The following ASS1 variants were observed in gnomAD, a reference collection of about 807,000 sequenced individuals.
The protein encoded by ASS1 is argininosuccinate synthase.
Under a neutral mutation model 60.5 loss-of-function variants are expected in ASS1, and 58 were observed. The ratio of observed to expected loss-of-function variants is 0.96; its 90% CI spans 0.78 to 1.19. ASS1 has a LOEUF of 1.19. Ranked by LOEUF, ASS1 falls within the 50% of genes most tolerant of loss-of-function variation. The pLI is 0.00. For synonymous variants in ASS1, 200 were observed against 206.9 expected (o/e 0.97, Z 0.29); for missense variants, 454 against 547.3 (o/e 0.83, Z 1.70).
At chr9:130,484,931 G>A (rs886888849) in intron 11 of ASS1, among the ~76,000 whole-genome samples, 19 of 152,206 alleles carry the variant, frequency 1.2e-4, no homozygotes, top group Non-Finnish European at 2.4e-4. Context: ...TTGCACTGGT[G>A]TGTTTTGTGG....
intron 3 of ASS1, among the ~76,000 whole-genome samples, chr9:130,456,248 CT>C (rs1241364298): frequency 6.6e-6 from 1 of 152,032 alleles, no homozygotes; most frequent in Non-Finnish European, 1.5e-5. Context: ...GGCAGATCAC[CT>C]GAGGTCAGGA....
chr9:130,472,414 T>C (rs1193603505), intron 8 of ASS1, among the ~76,000 whole-genome samples: 1 of 152,124 alleles, frequency 6.6e-6, no homozygotes, highest in East Asian at 1.9e-4. Flanking sequence ...TAATATCACA[T>C]GGCAGCCACC....
intron 5 of ASS1, 25 bp downstream of exon 5, chr9:130,464,192 C>T (rs1845671544): frequency 6.2e-7 from 1 of 1,611,548 alleles, no homozygotes; most frequent in Admixed American, 1.7e-5. Context: ...CTCCCCTTAG[C>T]AGGGAGCACT....
chr9:130,465,063 T>C (rs28440121), intron 5 of ASS1, among the ~76,000 whole-genome samples: 1 of 147,060 alleles, frequency 6.8e-6, no homozygotes, highest in Non-Finnish European at 1.5e-5. Flanking sequence ...TATATTTTTT[T>C]TTTTTCTTTT....
chr9:130,468,733 T>C (rs978597572), intron 6 of ASS1, among the ~76,000 whole-genome samples: 3 of 152,184 alleles, frequency 2.0e-5, no homozygotes, highest in African/African-American at 7.2e-5. Flanking sequence ...ACACCCAGCT[T>C]TGGCTAATTT....
intron 12 of ASS1, among the ~76,000 whole-genome samples, chr9:130,493,410 G>A (rs1257441693): frequency 6.6e-6 from 1 of 152,248 alleles, no homozygotes; most frequent in Non-Finnish European, 1.5e-5. Flanking sequence ...GAGGCACAGG[G>A]AGGTTAATCA....
intron 11 of ASS1, among the ~76,000 whole-genome samples, chr9:130,481,062 G>C (rs922705921): frequency 6.6e-6 from 1 of 152,220 alleles, no homozygotes; most frequent in Non-Finnish European, 1.5e-5. Context: ...CCTCGTATCC[G>C]CCTGTGGCTG....
chr9:130,453,144 C>G (rs184047989), intron 2 of ASS1, among the ~76,000 whole-genome samples: 16 of 152,332 alleles, frequency 1.1e-4, no homozygotes, highest in Admixed American at 7.8e-4. Flanking sequence ...TCATAGCCCA[C>G]CTTTCCCAAA....
chr9:130,461,136 G>GC (rs1471242121), intron 4 of ASS1, among the ~76,000 whole-genome samples: 1 of 150,202 alleles, frequency 6.7e-6, no homozygotes, highest in Non-Finnish European at 1.5e-5. Context: ...GAGGGGTCCT[G>GC]CCCTCAGGTC....
chr9:130,454,786 T>TCATC lies in ASS1; in HGVS notation c.174+434_174+437dup, dbSNP rs373152673. Among the ~76,000 whole-genome samples the TCATC allele has an allele frequency of 7.4e-4, 103 of 139,658 alleles. No individual in the cohort carries two copies. The East Asian group carries it at 0.01, about 14-fold the overall frequency. 91.6% of individuals were successfully genotyped at this position (139,658 alleles called of 152,430 possible). A position where few individuals can be genotyped will look rare whatever the true frequency, so the allele number is the denominator to read the frequency against. ...CATCACCCACCCATCCATTCACCCA[T>TCATC]CATCCATCCATCCATCCATCCATCA... On this transcript the variant is annotated intron_variant, in intron 3 of 14. Transcript: ENST00000352480.
intron 2 of ASS1, 109 bp downstream of exon 2, chr9:130,452,442 A>T: frequency 1.1e-6 from 1 of 948,724 alleles, no homozygotes; most frequent in Admixed American, 1.9e-5. Context: ...ACCGTCACTC[A>T]TTCAAGCCTG....
chr9:130,479,355 C>T (rs2118838513), intron 9 of ASS1, among the ~76,000 whole-genome samples: 1 of 152,208 alleles, frequency 6.6e-6, no homozygotes, highest in South Asian at 2.1e-4. Context: ...CAGGCGGCCC[C>T]CGGGTGACTG....
intron 1 of ASS1, chr9:130,451,604 G>A (rs1845327306): frequency 2.9e-6 from 1 of 350,580 alleles, no homozygotes; most frequent in African/African-American, 2.1e-5. Context: ...ACCTGCAGGT[G>A]GGCGGCGGCA....
At chr9:130,460,948 G>A (rs970869036) in intron 4 of ASS1, among the ~76,000 whole-genome samples, 1 of 152,036 alleles carries the variant, frequency 6.6e-6, no homozygotes, top group Non-Finnish European at 1.5e-5. Flanking sequence ...GCTGCCATCT[G>A]TGCAAAGGTG....
chr9:130,458,507 C>T lies in ASS1; in HGVS notation c.281C>T (p.Ala94Val). 1 of 1,612,964 alleles carries T rather than the reference C, an allele frequency of 6.2e-7. No individual in the cohort carries two copies. Among genetic ancestry groups the T allele is most frequent in the African/African-American group, 1.3e-5 (1 of 75,014 alleles). Reference sequence around the variant, plus strand: ...CGCTACCTCCTGGGCACCTCTCTTGCCAGGCCCTGCATCGCCCGCAAACAA... The same window carrying T: ...CGCTACCTCCTGGGCACCTCTCTTGTCAGGCCCTGCATCGCCCGCAAACAA... ...EDRYLLGTSL[A>V]RPCIARKQVE... Residue 94 changes from alanine (A) to valine (V), a missense_variant, in exon 4 of 15, where the codon GCC (alanine) becomes GTC (valine). Transcript: ENST00000352480.
At chr9:130,479,310 A>C (rs762463554) in intron 9 of ASS1, among the ~76,000 whole-genome samples, 4 of 151,738 alleles carry the variant, frequency 2.6e-5, no homozygotes, top group Non-Finnish European at 5.9e-5. Context: ...TGTGTGAGCG[A>C]GTATGTGTGT....
At chr9:130,473,603 G>A (rs1588489629) in intron 8 of ASS1, among the ~76,000 whole-genome samples, 1 of 152,278 alleles carries the variant, frequency 6.6e-6, no homozygotes, top group East Asian at 1.9e-4. Context: ...ACGTCAGGAC[G>A]CACCCTTGCA....
chr9:130,488,717 G>A lies in ASS1; in HGVS notation c.839-616G>A, dbSNP rs1223276020. Reference sequence around the variant, plus strand: ...AGCAGACAGCACTGGTGAGGGACTCGGGGGCCTACATTCAGTTCCCAGCTC... The same window carrying A: ...AGCAGACAGCACTGGTGAGGGACTCAGGGGCCTACATTCAGTTCCCAGCTC... On this transcript the variant is annotated intron_variant, in intron 11 of 14. Coordinates refer to ENST00000352480, the MANE Select transcript of ASS1 (RefSeq NM_054012.4). The surrounding 1 kb of genome is among the most constrained non-coding windows in gnomAD (Gnocchi z 5.2). 1.3e-5 allele frequency among the ~76,000 whole-genome samples: 2 copies of A among 152,180 alleles called. No individual in the cohort carries two copies. Among genetic ancestry groups the A allele is most frequent in the Admixed American group, 6.5e-5 (1 of 15,284 alleles).
intron 13 of ASS1, among the ~76,000 whole-genome samples, chr9:130,495,630 A>G: frequency 6.6e-6 from 1 of 152,014 alleles, no homozygotes; most frequent in Non-Finnish European, 1.5e-5. Flanking sequence ...AGCTGAAGCT[A>G]GATCTTAAAG....
Sources: gnomAD v4.1 joint callset for allele counts (sites outside exome capture counted in the v4.1 genomes callset) on GRCh38, gnomAD v4.1.1 for gene constraint, Gnocchi (gnomAD v3.1) non-coding constraint, MANE v1.5 for transcripts, NCBI Gene and HGNC (gene_info 2026-07-23, HGNC 2026-07-21) for gene names.